Variants in BRINP2 observed in about 807,000 individuals in gnomAD.
The protein encoded by BRINP2 is BMP/retinoic acid-inducible neural-specific protein 2.
BRINP2 carries 21 observed loss-of-function variants against 69.2 expected under a neutral mutation model. That is an observed-to-expected ratio of 0.30 (90% CI 0.22 to 0.44). BRINP2 has a LOEUF of 0.44. Ranked by LOEUF, BRINP2 falls within the 20% of genes least tolerant of loss-of-function variation. BRINP2 has a pLI of 1.00. For synonymous variants in BRINP2, 380 were observed against 394.1 expected, an observed-to-expected ratio of 0.96 and a Z score of 0.42; for missense variants, 877 against 986.0, an observed-to-expected ratio of 0.89 and a Z score of 1.48.
At chr1:177,251,622 A>G (rs769416785) in intron 2 of BRINP2, among the ~76,000 whole-genome samples, 10 of 152,162 alleles carry the variant, frequency 6.6e-5, no homozygotes, top group Non-Finnish European at 1.2e-4. Context: ...CCAGGACACT[A>G]GCTTTTTGTT....
At chr1:177,276,143 A>T in intron 5 of BRINP2, 55 bp from the exon 6 acceptor site, 2 of 1,524,390 alleles carry the variant, frequency 1.3e-6, no homozygotes, top group Non-Finnish European at 1.8e-6. Context: ...TGGGCATGGG[A>T]AACTGAGTCC....
chr1:177,268,510 C>A (rs919557699), intron 4 of BRINP2, among the ~76,000 whole-genome samples: 3 of 152,162 alleles, frequency 2.0e-5, no homozygotes, highest in Non-Finnish European at 2.9e-5. Context: ...CATTTACTAC[C>A]CTTACTTAGC....
intron 2 of BRINP2, among the ~76,000 whole-genome samples, chr1:177,250,185 A>G (rs1008645344): frequency 2.0e-5 from 3 of 152,202 alleles, no homozygotes; most frequent in Admixed American, 6.5e-5. Context: ...AACTGGGACT[A>G]CAGGCACTAG....
Position 177,280,934 on chromosome 1 carries a change from G to T in BRINP2, c.1758G>T (p.Met586Ile), listed in dbSNP as rs1423748890. 6.2e-7 allele frequency: 1 copy of T among 1,614,160 alleles called. No individual in the cohort carries two copies. Among genetic ancestry groups the T allele is most frequent in the Non-Finnish European group, 8.5e-7 (1 of 1,180,036 alleles). ...LTKNSTLEPV[M>I]AIYVNPFGGS... ...AGAACAGCACCCTGGAGCCTGTCAT[G>T]GCCATCTACGTCAACCCCTTTGGGG... Residue 586 changes from methionine (M) to isoleucine (I), a missense_variant, in exon 8 of 8, where the codon ATG (methionine) becomes ATT (isoleucine). Met to Ile is a conservative substitution (Grantham distance 10). This residue lies in a region of BRINP2 where 86 missense variants were observed against 142.1 expected (regional missense o/e 0.61). Transcript: ENST00000361539.
intron 4 of BRINP2, among the ~76,000 whole-genome samples, chr1:177,272,837 A>T (rs1421932957): frequency 6.6e-6 from 1 of 152,218 alleles, no homozygotes; most frequent in African/African-American, 2.4e-5. Flanking sequence ...TATACTTTAA[A>T]CATCAGGGAA....
intron 1 of BRINP2, among the ~76,000 whole-genome samples, chr1:177,225,838 T>C (rs1649675707): frequency 6.6e-6 from 1 of 152,260 alleles, no homozygotes. Flanking sequence ...TTAGTCAAAA[T>C]GTCTTCAGAT....
intron 1 of BRINP2, among the ~76,000 whole-genome samples, chr1:177,190,460 T>C (rs1648554536): frequency 6.6e-6 from 1 of 152,212 alleles, no homozygotes; most frequent in Admixed American, 6.5e-5. Flanking sequence ...CTCTTTCTCT[T>C]GTTCTTTGTC....
At chr1:177,190,727 A>G (rs753274333) in intron 1 of BRINP2, among the ~76,000 whole-genome samples, 10 of 152,200 alleles carry the variant, frequency 6.6e-5, no homozygotes, top group Non-Finnish European at 1.5e-4. Flanking sequence ...AGTGATACAC[A>G]GTTGGGTATG....
At chr1:177,211,452 C>T (rs1363202754) in intron 1 of BRINP2, among the ~76,000 whole-genome samples, 1 of 152,120 alleles carries the variant, frequency 6.6e-6, no homozygotes, top group Admixed American at 6.5e-5. Flanking sequence ...ACTTGTCATG[C>T]CTCTTCAGTG....
rs536132840 is a variant in BRINP2 at position 177,270,503 on chromosome 1, C to T, written c.670-2985C>T. Among the ~76,000 whole-genome samples the T allele has an allele frequency of 1.2e-4, 12 of 97,480 alleles. No individual in the cohort carries two copies. The South Asian group carries it at 2.5e-3, about 20-fold the overall frequency. The allele number at this position is 97,480 out of a possible 152,430, so 64.0% of individuals were successfully genotyped here. Reference sequence around the variant, plus strand: ...TGATGAACAAGATGATGGTGGGGGGCGGGAAGCAGATGCATTGGTGGCAGG... The same window carrying T: ...TGATGAACAAGATGATGGTGGGGGGTGGGAAGCAGATGCATTGGTGGCAGG... On this transcript the variant is annotated intron_variant, in intron 4 of 7. Transcript: ENST00000361539.
intron 4 of BRINP2, among the ~76,000 whole-genome samples, chr1:177,258,607 A>T (rs867736296): frequency 3.4e-4 from 51 of 152,236 alleles, no homozygotes; most frequent in African/African-American, 1.1e-3. Context: ...AGTTTATGGC[A>T]ACGCTGTGTC....
chr1:177,222,976 G>C (rs948962712), intron 1 of BRINP2, among the ~76,000 whole-genome samples: 4 of 152,190 alleles, frequency 2.6e-5, no homozygotes, highest in Non-Finnish European at 5.9e-5. Flanking sequence ...AGTTGTAAAG[G>C]CTTTGGGATG....
rs116350001 is a variant in BRINP2, at chr1:177,214,614, G to A, written c.-76-15187G>A. Among the ~76,000 whole-genome samples, 612 of 152,310 alleles carry A rather than the reference G, an allele frequency of 4.0e-3. 6 individuals carry two copies. The highest frequency in any genetic ancestry group is 0.014 in the African/African-American group (585 of 41,570). ...ACCAACACCAGGAGTGGGGATTTCC[G>A]TGATTTAGGCAGTATGATGGGAGTT... On this transcript the variant is annotated intron_variant, in intron 1 of 7. Transcript: ENST00000361539.
chr1:177,257,538 T>C (rs569663464), intron 4 of BRINP2, among the ~76,000 whole-genome samples, 154 bp downstream of exon 4: 1 of 152,208 alleles, frequency 6.6e-6, no homozygotes, highest in East Asian at 1.9e-4. Flanking sequence ...TCAGACACGA[T>C]GGGGTCATTC....
intron 1 of BRINP2, among the ~76,000 whole-genome samples, chr1:177,197,572 T>C (rs1473330320): frequency 6.6e-6 from 1 of 152,192 alleles, no homozygotes; most frequent in African/African-American, 2.4e-5. Flanking sequence ...AGGGAGACTT[T>C]GCCAGGAAAC....
At chr1:177,248,123 G>A (rs576284305) in intron 2 of BRINP2, among the ~76,000 whole-genome samples, 110 of 152,254 alleles carry the variant, frequency 7.2e-4, no homozygotes, top group Non-Finnish European at 1.1e-3. Flanking sequence ...CCGGCTGTTC[G>A]TGTGAAGTTA....
intron 1 of BRINP2, among the ~76,000 whole-genome samples, chr1:177,212,104 G>A (rs1007335369): frequency 1.1e-4 from 16 of 145,316 alleles, no homozygotes; most frequent in African/African-American, 3.5e-4. Flanking sequence ...TAGATAGATA[G>A]ATAGATGATA....
intron 1 of BRINP2, among the ~76,000 whole-genome samples, chr1:177,202,357 C>G (rs1316034979): frequency 1.3e-5 from 2 of 152,184 alleles, no homozygotes; most frequent in Admixed American, 6.5e-5. Context: ...AAATTTCCCT[C>G]TACACACTGC....
At chr1:177,275,512 C>A (rs761108202) in intron 5 of BRINP2, among the ~76,000 whole-genome samples, 43 of 152,182 alleles carry the variant, frequency 2.8e-4, no homozygotes, top group Non-Finnish European at 5.6e-4. Context: ...TCTATGAATG[C>A]TGTGATTTGG....
Sources: gnomAD v4.1 joint callset for allele counts (sites outside exome capture counted in the v4.1 genomes callset) on GRCh38, gnomAD v4.1.1 for gene constraint, gnomAD v4.1.1 regional missense constraint, MANE v1.5 for transcripts, NCBI Gene and HGNC (gene_info 2026-07-23, HGNC 2026-07-21) for gene names.